The following TRIM14 variants were observed in gnomAD, a reference collection of about 807,000 sequenced individuals.
TRIM14 encodes the protein tripartite motif containing 14, also known as tripartite motif-containing protein 14.
TRIM14 carries 28 observed loss-of-function variants against 44.5 expected under a neutral mutation model. The observed-to-expected ratio is 0.63, with a 90% CI of 0.47 to 0.86. The LOEUF (loss-of-function observed/expected upper bound fraction) is 0.86. TRIM14 is among the 40% of genes least tolerant of loss of function. The pLI is 0.00. For synonymous variants in TRIM14, 299 were observed against 269.2 expected, an observed-to-expected ratio of 1.11 and a Z score of -1.08; for missense variants, 607 against 611.1, an observed-to-expected ratio of 0.99 and a Z score of 0.07.
the TRIM14 span, among the ~76,000 whole-genome samples, chr9:98,049,375 A>C: frequency 7.0e-6 from 1 of 143,414 alleles, no homozygotes; most frequent in African/African-American, 2.6e-5. Context: ...AAGAATGACT[A>C]TTCCATATGC....
At chr9:98,048,616 G>T in the TRIM14 span, among the ~76,000 whole-genome samples, 1 of 152,196 alleles carries the variant, frequency 6.6e-6, no homozygotes, top group African/African-American at 2.4e-5. Context: ...CAATTTTGAA[G>T]ATTATTGGTA....
chr9:98,061,088 C>A, the TRIM14 span: 1 of 1,230,436 alleles, frequency 8.1e-7, no homozygotes. Context: ...CCACCTCCAG[C>A]CCTTGCTCAT....
intron 3 of TRIM14, among the ~76,000 whole-genome samples, chr9:98,096,625 G>C (rs1826196558): frequency 1.3e-5 from 2 of 152,020 alleles, no homozygotes; most frequent in Admixed American, 1.3e-4. Flanking sequence ...TCATCTCTCA[G>C]GCCAGAAACC....
At chr9:98,052,227 CT>C in the TRIM14 span, among the ~76,000 whole-genome samples, 1 of 151,956 alleles carries the variant, frequency 6.6e-6, no homozygotes, top group Non-Finnish European at 1.5e-5. Flanking sequence ...TCTGTGACAC[CT>C]CCTCTGTTTT....
chr9:98,109,809 T>C, intron 2 of TRIM14, 80 bp downstream of exon 2: 2 of 1,161,636 alleles, frequency 1.7e-6, no homozygotes, highest in Admixed American at 4.1e-5. Context: ...TTATTTTCAT[T>C]GGCTCCATAT....
At chr9:98,055,934 T>G in the TRIM14 span, among the ~76,000 whole-genome samples, 1 of 151,964 alleles carries the variant, frequency 6.6e-6, no homozygotes, top group Non-Finnish European at 1.5e-5. Flanking sequence ...GAGACGGGGT[T>G]TCTCCATATT....
rs893964603 is a variant in TRIM14, at chr9:98,091,441, T to TCACA, written c.793+464_793+467dup. Among the ~76,000 whole-genome samples the TCACA allele has an allele frequency of 7.3e-5, 11 of 150,130 alleles. No homozygotes were observed. In the East Asian group the frequency reaches 1.9e-3, roughly 27 times the overall value. Reference sequence around the variant, plus strand: ...CACTGCACTCCAGAGCAAGACTCGGTCACACACACACACACACATAGTGAT... The same window carrying TCACA: ...CACTGCACTCCAGAGCAAGACTCGGTCACACACACACACACACACACATAGTGAT... On this transcript the variant is annotated intron_variant, in intron 5 of 5. Transcript: ENST00000341469.
the TRIM14 span, chr9:98,056,884 G>C: frequency 6.2e-7 from 1 of 1,611,382 alleles, no homozygotes; most frequent in Admixed American, 1.7e-5. Context: ...TGCCGAGATC[G>C]GCCAGAACCA....
the TRIM14 span, among the ~76,000 whole-genome samples, chr9:98,059,191 T>TTCTC: frequency 1.4e-4 from 21 of 151,940 alleles, no homozygotes; most frequent in East Asian, 3.9e-3. Context: ...ACCTAGCTAA[T>TTCTC]TTTTTGTATT....
the TRIM14 span, among the ~76,000 whole-genome samples, chr9:98,051,183 C>T: frequency 6.6e-6 from 1 of 152,182 alleles, no homozygotes; most frequent in Non-Finnish European, 1.5e-5. Flanking sequence ...ATACAGCACA[C>T]CAGGGAGACT....
chr9:98,103,180 A>G (rs7042169), intron 2 of TRIM14, among the ~76,000 whole-genome samples: 90,669 of 151,604 alleles, frequency 0.6, 29,424 homozygotes, highest in African/African-American at 0.85. Context: ...ACGAGACTCC[A>G]TCTCCAAAAA....
At chr9:98,105,223 C>T (rs1040599026) in intron 2 of TRIM14, among the ~76,000 whole-genome samples, 8 of 152,238 alleles carry the variant, frequency 5.3e-5, no homozygotes, top group Non-Finnish European at 1.0e-4. Flanking sequence ...GCAACTGAGG[C>T]TCCTTATTCC....
At position 98,087,326 on chromosome 9, in the gene TRIM14, A is replaced by T; in HGVS notation, c.*144T>A. 3 of 1,247,444 alleles carry T rather than the reference A, an allele frequency of 2.4e-6. No individual in the cohort carries two copies. The highest frequency in any genetic ancestry group is 3.5e-6 in the Non-Finnish European group (3 of 846,046). The allele number at this position is 1,247,444 out of a possible 1,614,324, so 77.3% of individuals were successfully genotyped here. A position where few individuals can be genotyped will look rare whatever the true frequency, so the allele number is the denominator to read the frequency against. ...GGAGAGGAAACCTTCAAAGCACTGT[A>T]GGCGTGATTGGTCGGGGAAAGCTGG... On this transcript the variant is annotated 3_prime_UTR_variant, in exon 6 of 6. Transcript: ENST00000341469.
chr9:98,108,737 A>G (rs1302339822), intron 2 of TRIM14, among the ~76,000 whole-genome samples: 1 of 152,018 alleles, frequency 6.6e-6, no homozygotes, highest in Non-Finnish European at 1.5e-5. Flanking sequence ...GCAAACTGTC[A>G]TGAAGACAAC....
rs151149926 is a variant in TRIM14 at position 98,073,408 on chromosome 9, C to T, written c.*29-3721G>A. On this transcript the variant is annotated intron_variant, in intron 6 of 6. Transcript: ENST00000375098. The stretch of plus-strand genomic sequence containing the variant: ...CAAGTAATTGTCCTGCCTTAGCCTC[C>T]CGAGTAGCTGGGATTACAGACACAC... Among the ~76,000 whole-genome samples the T allele has an allele frequency of 6.3e-3, 953 of 150,804 alleles. 6 individuals carry two copies. Among genetic ancestry groups the T allele is most frequent in the African/African-American group, 0.022 (900 of 41,026 alleles).
chr9:98,055,106 G>A, the TRIM14 span, among the ~76,000 whole-genome samples: 4 of 152,018 alleles, frequency 2.6e-5, no homozygotes, highest in South Asian at 2.1e-4. Context: ...TGCAACCTCC[G>A]CCTCCCAGGT....
At chr9:98,090,859 C>G (rs974831631) in intron 5 of TRIM14, among the ~76,000 whole-genome samples, 4 of 152,124 alleles carry the variant, frequency 2.6e-5, no homozygotes, top group Non-Finnish European at 2.9e-5. Context: ...CCACCGTGCT[C>G]GGCCTTTAAA....
chr9:98,042,130 A>G, the TRIM14 span, among the ~76,000 whole-genome samples: 25 of 151,570 alleles, frequency 1.6e-4, no homozygotes, highest in Non-Finnish European at 2.7e-4. Context: ...TGTCTCTACT[A>G]AAAATACAAA....
At chr9:98,044,802 T>C in the TRIM14 span, among the ~76,000 whole-genome samples, 3 of 152,098 alleles carry the variant, frequency 2.0e-5, no homozygotes, top group African/African-American at 7.2e-5. Context: ...GAAAAAGCAA[T>C]GGAGAAGACC....
Sources: gnomAD v4.1 joint callset for allele counts (sites outside exome capture counted in the v4.1 genomes callset) on GRCh38, gnomAD v4.1.1 for gene constraint, MANE v1.5 for transcripts, NCBI Gene and HGNC (gene_info 2026-07-23, HGNC 2026-07-21) for gene names.